LIMS1: variants seen among roughly 807,000 people sequenced by gnomAD.
LIMS1 encodes the protein LIM and senescent cell antigen-like-containing domain protein 1.
A neutral mutation model predicts 44.1 loss-of-function variants in LIMS1; 18 were observed. The ratio of observed to expected loss-of-function variants is 0.41; its 90% CI spans 0.28 to 0.61. LIMS1 has a LOEUF of 0.61. Ranked by LOEUF, LIMS1 falls within the 20% of genes least tolerant of loss-of-function variation. LIMS1 has a pLI of 0.32. For synonymous variants in LIMS1, 93 were observed against 149.1 expected (o/e 0.62, Z 2.74); for missense variants, 201 against 422.0 (o/e 0.48, Z 4.59).
chr2:108,612,053 C>CACAT lies in LIMS1; in HGVS notation c.33-47551_33-47550insCATA, dbSNP rs1368462677. On this transcript the variant is annotated intron_variant, in intron 1 of 9. Coordinates refer to ENST00000544547, the Ensembl canonical transcript of LIMS1. The stretch of plus-strand genomic sequence containing the variant: ...ATACACACACACACACACACACACA[C>CACAT]ATATATATATATATATACATATATA... Among the ~76,000 whole-genome samples the CACAT allele has an allele frequency of 7.1e-3, 638 of 89,432 alleles. 16 individuals are homozygous for CACAT. The highest frequency in any genetic ancestry group is 0.035 in the African/African-American group (600 of 17,006). 58.7% of individuals were successfully genotyped at this position (89,432 alleles called of 152,430 possible).
chr2:108,612,049 C>T lies in LIMS1; in HGVS notation c.33-47556C>T, dbSNP rs1452707988. On this transcript the variant is annotated intron_variant, in intron 1 of 9. Transcript: ENST00000544547. ...ACATATACACACACACACACACACA[C>T]ACACATATATATATATATATACATA... Among the ~76,000 whole-genome samples, 15 of 92,312 alleles carry T rather than the reference C, an allele frequency of 1.6e-4. 1 individual carries two copies. Among genetic ancestry groups the T allele is most frequent in the African/African-American group, 7.8e-4 (15 of 19,244 alleles). 60.6% of individuals were successfully genotyped at this position (92,312 alleles called of 152,430 possible). A position where few individuals can be genotyped will look rare whatever the true frequency, so the allele number is the denominator to read the frequency against.
chr2:108,552,078 G>A lies in LIMS1; in HGVS notation c.32+17484G>A, dbSNP rs1245123412. On this transcript the variant is annotated intron_variant, in intron 1 of 9. Coordinates refer to ENST00000544547, the Ensembl canonical transcript of LIMS1. ...TGTGTGTATATGTGTGTGTATGTGT[G>A]TATATATACATATGTATATTGAGAG... is the stretch of plus-strand genomic sequence containing the variant. 3.5e-5 allele frequency among the ~76,000 whole-genome samples: 5 copies of A among 144,424 alleles called. No homozygotes were observed. The South Asian group carries it at 8.5e-4, about 25-fold the overall frequency. 94.7% of individuals were successfully genotyped at this position (144,424 alleles called of 152,430 possible). A position where few individuals can be genotyped will look rare whatever the true frequency, so the allele number is the denominator to read the frequency against.
intron 1 of LIMS1, among the ~76,000 whole-genome samples, chr2:108,566,409 A>G (rs1030172793): frequency 6.6e-6 from 1 of 152,122 alleles, no homozygotes; most frequent in Admixed American, 6.5e-5. Context: ...CTTTTAAGAT[A>G]TATATTATTT....
intron 1 of LIMS1, among the ~76,000 whole-genome samples, chr2:108,583,567 A>AT (rs1309550206): frequency 6.6e-6 from 1 of 152,088 alleles, no homozygotes; most frequent in Non-Finnish European, 1.5e-5. Context: ...ATTATCCCAG[A>AT]TTTTTTTAAA....
chr2:108,662,950 C>CT, intron 2 of LIMS1: 1 of 167,878 alleles, frequency 6.0e-6, no homozygotes, highest in Non-Finnish European at 1.2e-5. Context: ...ATGTGATTTA[C>CT]TTTTATGGTA....
chr2:108,656,618 C>T (rs1416670984), intron 1 of LIMS1, among the ~76,000 whole-genome samples: 1 of 150,694 alleles, frequency 6.6e-6, no homozygotes, highest in Non-Finnish European at 1.5e-5. Context: ...TGTTCTGTTT[C>T]CTTTTTCCCC....
In LIMS1 at chr2:108,666,800, T is replaced by A. The variant is rs538230505; in HGVS notation, c.193-3981T>A. On this transcript the variant is annotated intron_variant, in intron 2 of 9. Transcript: ENST00000544547. ...GCAAGACCGTTTCTGAAAAAAAAAA[T>A]AATAATAATAAAATAAATTTTTAAA... 1.2e-3 allele frequency among the ~76,000 whole-genome samples: 178 copies of A among 151,576 alleles called. No individual in the cohort carries two copies. In the Middle Eastern group the frequency reaches 0.017, roughly 14 times the overall value.
rs1321611682 is a variant in LIMS1, at chr2:108,667,549, A to ATATATATAT, written c.193-3232_193-3231insTATATATAT. The stretch of plus-strand genomic sequence containing the variant: ...TTTTCAACCTTTTTTAAAAAAAAAA[A>ATATATATAT]AAATATATATATATATATATACTGC... On this transcript the variant is annotated intron_variant, in intron 2 of 9. Transcript: ENST00000544547. Among the ~76,000 whole-genome samples, 408 of 73,396 alleles carry ATATATATAT rather than the reference A, an allele frequency of 5.6e-3. 2 individuals are homozygous for ATATATATAT. The highest frequency in any genetic ancestry group is 0.018 in the African/African-American group (397 of 22,430). 48.2% of individuals were successfully genotyped at this position (73,396 alleles called of 152,430 possible). A position where few individuals can be genotyped will look rare whatever the true frequency, so the allele number is the denominator to read the frequency against.
At chr2:108,631,130 C>T (rs1049264179) in intron 1 of LIMS1, among the ~76,000 whole-genome samples, 4 of 152,154 alleles carry the variant, frequency 2.6e-5, no homozygotes, top group Non-Finnish European at 4.4e-5. Flanking sequence ...GGTAGACTAG[C>T]CTCTGGCTTA....
At chr2:108,586,801 G>C (rs1472372890) in intron 1 of LIMS1, among the ~76,000 whole-genome samples, 1 of 152,190 alleles carries the variant, frequency 6.6e-6, no homozygotes, top group African/African-American at 2.4e-5. Flanking sequence ...TCCCAAGAGA[G>C]ATCGCAGCTG....
At chr2:108,622,973 ATTTT>A (rs68115708) in intron 1 of LIMS1, among the ~76,000 whole-genome samples, 1,794 of 123,112 alleles carry the variant, frequency 0.015, 47 homozygotes, top group African/African-American at 0.049. Flanking sequence ...AAACAACTAG[ATTTT>A]TTTTTTTTTT....
At chr2:108,607,301 A>C in intron 1 of LIMS1, 1 of 1,524,288 alleles carries the variant, frequency 6.6e-7, no homozygotes, top group Non-Finnish European at 8.9e-7. Flanking sequence ...TCCAAATGAA[A>C]CACAAATAGA....
At chr2:108,605,873 T>G (rs1194659937) in intron 1 of LIMS1, among the ~76,000 whole-genome samples, 1 of 152,112 alleles carries the variant, frequency 6.6e-6, no homozygotes, top group Non-Finnish European at 1.5e-5. Context: ...GGGGATGGAG[T>G]GGCTCTGGAT....
At chr2:108,683,241 G>A (rs992446444) in intron 9 of LIMS1, among the ~76,000 whole-genome samples, 2 of 152,056 alleles carry the variant, frequency 1.3e-5, no homozygotes, top group Non-Finnish European at 2.9e-5. Context: ...AAAGTACTAA[G>A]TAAGATCATG....
At chr2:108,642,440 A>G (rs1457770331) in intron 1 of LIMS1, among the ~76,000 whole-genome samples, 2 of 139,636 alleles carry the variant, frequency 1.4e-5, no homozygotes, top group Admixed American at 1.6e-4. Context: ...GCTCACTGCA[A>G]GCTCCGCCTC....
chr2:108,556,172 C>G lies in LIMS1; in HGVS notation c.32+21578C>G, dbSNP rs10194481. ...TCTATGAATTTGCCTACTCTAGGTA[C>G]GTCATATAAGTAGAATCATATATTT... On this transcript the variant is annotated intron_variant, in intron 1 of 9. Transcript: ENST00000544547. Among the ~76,000 whole-genome samples, 635 of 152,184 alleles carry G rather than the reference C, an allele frequency of 4.2e-3. 6 individuals are homozygous for G. Among genetic ancestry groups the G allele is most frequent in the African/African-American group, 0.014 (597 of 41,498 alleles).
intron 1 of LIMS1, among the ~76,000 whole-genome samples, chr2:108,644,145 C>T (rs879619256): frequency 3.9e-5 from 6 of 152,194 alleles, no homozygotes; most frequent in African/African-American, 7.2e-5. Context: ...CCCAGCACAG[C>T]GTTCAAGCTC....
chr2:108,597,008 A>T (rs1686739693), intron 1 of LIMS1, among the ~76,000 whole-genome samples: 1 of 146,238 alleles, frequency 6.8e-6, no homozygotes, highest in Admixed American at 6.9e-5. Flanking sequence ...TCCTGGGTTC[A>T]AACGATTCTC....
At position 108,562,832 on chromosome 2, in the gene LIMS1, G is replaced by A. The variant is rs77728627; in HGVS notation, c.32+28238G>A. 8.6e-3 allele frequency among the ~76,000 whole-genome samples: 1,305 copies of A among 152,308 alleles called. 11 individuals are homozygous for A. Among genetic ancestry groups the A allele is most frequent in the Non-Finnish European group, 0.015 (1,004 of 68,028 alleles). ...TCTGTTGGGAGAAGATGCCATCTAG[G>A]ACTCAAGGCTGGAGAGGGGAAGTGA... On this transcript the variant is annotated intron_variant, in intron 1 of 9. Transcript: ENST00000544547.
Sources: allele counts gnomAD v4.1 joint callset (sites outside exome capture counted in the v4.1 genomes callset), GRCh38; gene constraint gnomAD v4.1.1; transcripts MANE v1.5; gene names NCBI Gene and HGNC (gene_info 2026-07-23, HGNC 2026-07-21).